The following FIBP variants were observed in gnomAD, a reference collection of about 807,000 sequenced individuals.
FIBP encodes FGF1 intracellular binding protein.
Under a neutral mutation model 40.5 loss-of-function variants are expected in FIBP, and 29 were observed. That is an observed-to-expected ratio of 0.72 (90% confidence interval 0.53 to 0.98). FIBP has a LOEUF of 0.98. FIBP is among the 50% of genes least tolerant of loss of function. The pLI, the probability that FIBP is intolerant of heterozygous loss-of-function variation, is 0.00. For missense variants in FIBP, 411 were observed against 470.2 expected, an observed-to-expected ratio of 0.87 and a Z score of 1.16; for synonymous variants, 215 against 191.1, an observed-to-expected ratio of 1.13 and a Z score of -1.03.
chr11:65,888,301 G>A, intron 1 of FIBP, 33 bp downstream of exon 1: 5 of 1,538,056 alleles, frequency 3.3e-6, no homozygotes, highest in Non-Finnish European at 3.5e-6. Flanking sequence ...CAACCGCTCC[G>A]CCGACTGGCT....
At chr11:65,885,261 C>G (rs760033039) in intron 5 of FIBP, 75 bp from the exon 6 acceptor site, 3 of 1,205,806 alleles carry the variant, frequency 2.5e-6, no homozygotes, top group Non-Finnish European at 3.7e-6. Context: ...TCCTCACCCA[C>G]CACCTTATTT....
At chr11:65,884,273 G>T in intron 9 of FIBP, 119 bp downstream of exon 9, 1 of 959,562 alleles carries the variant, frequency 1.0e-6, no homozygotes, top group Non-Finnish European at 1.6e-6. Flanking sequence ...TTGGTCCAGA[G>T]ACTTTGGTCC....
chr11:65,887,256 GC>G, intron 3 of FIBP: 1 of 364,140 alleles, frequency 2.7e-6, no homozygotes, highest in East Asian at 7.1e-5. Context: ...GACAAGCCTG[GC>G]CAACATGGTG....
chr11:65,884,109 G>C, intron 9 of FIBP, 66 bp from the exon 10 acceptor site: 1 of 1,295,466 alleles, frequency 7.7e-7, no homozygotes, highest in Non-Finnish European at 1.1e-6. Context: ...GCCCTGCCCT[G>C]CGTGCTTTCT....
chr11:65,885,778 CTG>C, intron 4 of FIBP, 115 bp from the exon 5 acceptor site: 1 of 1,023,618 alleles, frequency 9.8e-7, no homozygotes, highest in South Asian at 1.5e-5. Context: ...CCTCAAGTCA[CTG>C]TGTGACGTGT....
Position 65,886,329 on chromosome 11 carries a change from A to C in FIBP, c.505T>G (p.Leu169Val). Residue 169 changes from leucine to valine, a missense_variant, in exon 4 of 10, where the codon TTG becomes GTG. Transcript: ENST00000357519. Reference sequence around the variant, plus strand: ...AGGTGGCTAGCTCCTCACCTGGCCAACCGGTCAGAGAGGAGGAAGTGTTGC... The same window carrying C: ...AGGTGGCTAGCTCCTCACCTGGCCACCCGGTCAGAGAGGAGGAAGTGTTGC... ...IQQHFLLSDR[L>V]ARDYAAIVFF... The C allele has an allele frequency of 6.2e-7, 1 of 1,613,006 alleles. No homozygotes were observed. Among genetic ancestry groups the C allele is most frequent in the Non-Finnish European group, 8.5e-7 (1 of 1,179,118 alleles).
In FIBP at chr11:65,888,145, C is replaced by G; in HGVS notation, c.86-13G>C. 2 of 1,549,450 alleles carry G rather than the reference C, an allele frequency of 1.3e-6. No individual in the cohort carries two copies. The highest frequency in any genetic ancestry group is 1.2e-5 in the South Asian group (1 of 85,784). ...ACCGCGTCGGTCACTGGAAAGCGGACGCTAGCATCAGGCCCCGCCCCGCCG... is the reference window on the plus strand; with the variant it reads ...ACCGCGTCGGTCACTGGAAAGCGGAGGCTAGCATCAGGCCCCGCCCCGCCG... On this transcript the variant is annotated splice_polypyrimidine_tract_variant and intron_variant, in intron 1 of 9. Transcript: ENST00000357519.
intron 4 of FIBP, chr11:65,885,882 G>A (rs555124757): frequency 1.3e-4 from 73 of 547,362 alleles, no homozygotes; most frequent in South Asian, 5.5e-4. Context: ...GACCATAAGG[G>A]TAACAGTTAC....
Position 65,886,437 on chromosome 11 carries a change from G to A in FIBP, c.412-15C>T. The A allele has an allele frequency of 1.9e-6, 3 of 1,574,256 alleles. No homozygotes were observed. The highest frequency in any genetic ancestry group is 2.6e-6 in the Non-Finnish European group (3 of 1,143,662). On this transcript the variant is annotated splice_polypyrimidine_tract_variant and intron_variant, in intron 3 of 9. Transcript: ENST00000357519. ...AAGTTGTCAAACTGCAGGGCAGTTA[G>A]GGTAGAAGAGAGGACTGGTCAGAGT...
intron 7 of FIBP, 134 bp downstream of exon 7, chr11:65,884,801 C>T: frequency 7.5e-7 from 1 of 1,335,192 alleles, no homozygotes; most frequent in Non-Finnish European, 1.1e-6. Context: ...ATGAGCTGCT[C>T]CCGTCAGCGG....
In FIBP at chr11:65,887,534, C is replaced by G. The variant is rs1439952207; in HGVS notation, c.411+66G>C. ...GCCACAATCAGAGGCTGGAACTGGG[C>G]CAGTGGCCAAAGGGAGGGAGTGAAG... On this transcript the variant is annotated intron_variant, in intron 3 of 9. Transcript: ENST00000357519. The G allele has an allele frequency of 6.4e-6, 10 of 1,565,766 alleles. No homozygotes were observed. In the Admixed American group the frequency reaches 1.5e-4, roughly 24 times the overall value.
rs751255250 is a variant in FIBP at position 65,888,459 on chromosome 11, A to G, written c.-41T>C. 6 of 1,460,520 alleles carry G rather than the reference A, an allele frequency of 4.1e-6. No homozygotes were observed. The highest frequency in any genetic ancestry group is 3.6e-5 in the South Asian group (3 of 82,318). The allele number at this position is 1,460,520 out of a possible 1,614,324, so 90.5% of individuals were successfully genotyped here. A position where few individuals can be genotyped will look rare whatever the true frequency, so the allele number is the denominator to read the frequency against. ...CGCAGCGCCCCGAGCAGGAGCGAGCACTGCTCGGGACTGGCGCGCCGCCTT... is the reference window on the plus strand; with the variant it reads ...CGCAGCGCCCCGAGCAGGAGCGAGCGCTGCTCGGGACTGGCGCGCCGCCTT... On this transcript the variant is annotated 5_prime_UTR_variant, in exon 1 of 10. Coordinates refer to ENST00000357519, the MANE Select transcript of FIBP (RefSeq NM_004214.5).
chr11:65,886,169 TAAAAAAAAA>T (rs5792375), intron 4 of FIBP, 144 bp downstream of exon 4: 7 of 336,622 alleles, frequency 2.1e-5, no homozygotes, highest in South Asian at 5.1e-5. Flanking sequence ...TCCGTCTCAT[TAAAAAAAAA>T]AAAAAAAAAA....
At position 65,885,591 on chromosome 11, in the gene FIBP, G is replaced by A; in HGVS notation, c.585C>T (p.Ser195=). ...ETGKKKLQYL[S]FGDFAFCAEL... ...CAGCGCAGAAGGCAAAGTCACCGAA[G>A]CTCAGATACTGCAGTTTTTTCTTCC... The change falls in exon 5 of 10, where the codon AGC becomes AGT. Residue 195 remains serine (S), a synonymous_variant. Coordinates refer to ENST00000357519, the MANE Select transcript of FIBP (RefSeq NM_004214.5). 6.2e-7 allele frequency: 1 copy of A among 1,614,180 alleles called. No homozygotes were observed. Among genetic ancestry groups the A allele is most frequent in the Non-Finnish European group, 8.5e-7 (1 of 1,180,020 alleles).
intron 5 of FIBP, 97 bp downstream of exon 5, chr11:65,885,433 T>C (rs1306523783): frequency 4.1e-6 from 6 of 1,459,074 alleles, no homozygotes; most frequent in Non-Finnish European, 9.3e-7. Flanking sequence ...CAGGAGCGGA[T>C]GCCAGGAACT....
At position 65,884,623 on chromosome 11, in the gene FIBP, TGGC is replaced by T; in HGVS notation, c.850_852del (p.Ala284del). On this transcript the variant is annotated inframe_deletion, in exon 8 of 10. Transcript: ENST00000357519. ...CTGACATCTTTATTGTGGGTCAGCT[TGGC>T]GGCCACGTTCACCAGCCCCCGGGAC... The T allele has an allele frequency of 6.2e-7, 1 of 1,614,142 alleles. No individual in the cohort carries two copies. Among genetic ancestry groups the T allele is most frequent in the Non-Finnish European group, 8.5e-7 (1 of 1,180,018 alleles).
At position 65,887,979 on chromosome 11, in the gene FIBP, A is replaced by G. The variant is rs369931187; in HGVS notation, c.239T>C (p.Leu80Pro). ...LHAPPKLLHQ[L>P]IFQIPPSRQA... ...CCGGGAGGGCGGAATCTGGAAGATG[A>G]GCTGGTGCAGTAGCTTGGGCGGCGC... The change falls in exon 2 of 10, where the codon CTC becomes CCC. Residue 80 changes from leucine to proline, a missense_variant. Coordinates refer to ENST00000357519, the MANE Select transcript of FIBP (RefSeq NM_004214.5). 13 of 1,613,702 alleles carry G rather than the reference A, an allele frequency of 8.1e-6. No individual in the cohort carries two copies. Among genetic ancestry groups the G allele is most frequent in the Non-Finnish European group, 1.7e-6 (2 of 1,179,904 alleles).
chr11:65,888,397 A>C lies in FIBP; in HGVS notation c.22T>G (p.Phe8Val), dbSNP rs770224378. 1.5e-5 allele frequency: 24 copies of C among 1,567,294 alleles called. No individual in the cohort carries two copies. The highest frequency in any genetic ancestry group is 1.9e-5 in the Non-Finnish European group (22 of 1,155,640). ...TCGATAAGGGTCGTGTTCCCCACGA[A>C]GATGTCCAGCTCACTGGTCATGGCG... MTSELDI[F>V]VGNTTLIDED... is the part of the protein sequence containing the mutation. The change falls in exon 1 of 10, where the codon TTC becomes GTC. Residue 8 changes from phenylalanine (F) to valine (V), a missense_variant. Coordinates refer to ENST00000357519, the MANE Select transcript of FIBP (RefSeq NM_004214.5).
At chr11:65,884,300 G>A in intron 9 of FIBP, 92 bp downstream of exon 9, 1 of 1,199,890 alleles carries the variant, frequency 8.3e-7, no homozygotes, top group Non-Finnish European at 1.2e-6. Context: ...CAGGGTAGCA[G>A]AATGGGGAAC....
Sources: allele counts gnomAD v4.1 joint callset, GRCh38; gene constraint gnomAD v4.1.1; transcripts MANE v1.5; gene names NCBI Gene and HGNC (gene_info 2026-07-23, HGNC 2026-07-21).